Variants in PCDHA3 observed in about 807,000 individuals in gnomAD.
The protein encoded by PCDHA3 is protocadherin alpha 3.
A neutral mutation model predicts 62.2 loss-of-function variants in PCDHA3; 41 were observed. That is an observed-to-expected ratio of 0.66 (90% CI 0.51 to 0.86). The LOEUF (loss-of-function observed/expected upper bound fraction) is 0.86. Ranked by LOEUF, PCDHA3 falls within the 40% of genes least tolerant of loss-of-function variation. PCDHA3 has a pLI of 0.00. For missense variants in PCDHA3, 1,304 were observed against 1,241.2 expected (o/e 1.05, Z -0.76); for synonymous variants, 640 against 555.4 (o/e 1.15, Z -2.14).
intron 1 of PCDHA3, chr5:140,967,594 G>A: frequency 6.2e-7 from 1 of 1,614,142 alleles, no homozygotes; most frequent in Non-Finnish European, 8.5e-7. Flanking sequence ...GCACATTGGT[G>A]GTGAAGCTGA....
At chr5:140,906,917 C>T (rs2073040753) in intron 1 of PCDHA3, among the ~76,000 whole-genome samples, 1 of 152,114 alleles carries the variant, frequency 6.6e-6, no homozygotes, top group Non-Finnish European at 1.5e-5. Context: ...AGGAGGAGCC[C>T]AAAAAGTGTC....
rs371246236 is a variant in PCDHA3 at position 140,876,855 on chromosome 5, A to G, written c.2394+73264A>G. ...CTGCGTTCGCGCAGCCCGAGTACACAGTGTTCGTGAAGGAGAACAACCCGC... is the reference window on the plus strand; with the variant it reads ...CTGCGTTCGCGCAGCCCGAGTACACGGTGTTCGTGAAGGAGAACAACCCGC... On this transcript the variant is annotated intron_variant, in intron 1 of 3. Coordinates refer to ENST00000522353, the MANE Select transcript of PCDHA3 (RefSeq NM_018906.3). The G allele has an allele frequency of 2.0e-4, 322 of 1,614,052 alleles. 4 individuals are homozygous for G. The East Asian group carries it at 3.4e-3, about 17-fold the overall frequency.
intron 1 of PCDHA3, among the ~76,000 whole-genome samples, chr5:140,905,229 G>A (rs2071688415): frequency 6.6e-6 from 1 of 152,156 alleles, no homozygotes; most frequent in African/African-American, 2.4e-5. Flanking sequence ...TGAGAGATGA[G>A]GATCCAGTTT....
intron 1 of PCDHA3, chr5:140,807,884 C>G (rs782074587): frequency 6.2e-7 from 1 of 1,614,068 alleles, no homozygotes; most frequent in Non-Finnish European, 8.5e-7. Context: ...CATCACAGTA[C>G]TGGATGCCAA....
At chr5:140,941,852 T>G (rs1254913265) in intron 1 of PCDHA3, among the ~76,000 whole-genome samples, 2 of 152,236 alleles carry the variant, frequency 1.3e-5, no homozygotes, top group Non-Finnish European at 2.9e-5. Context: ...TTACCTGATA[T>G]TCCCTATCAT....
In PCDHA3 at chr5:140,855,922, T is replaced by C. The variant is rs2043674213; in HGVS notation, c.2394+52331T>C. ...AGCCAGTTTCTCAAGGACTAGGAAG[T>C]AGCGTCATTCTGAGATCTCAGCCAT... On this transcript the variant is annotated intron_variant, in intron 1 of 3. Transcript: ENST00000522353. The C allele has an allele frequency of 3.3e-6, 4 of 1,227,726 alleles. No homozygotes were observed. In the Admixed American group the frequency reaches 1.0e-4, roughly 31 times the overall value. The allele number at this position is 1,227,726 out of a possible 1,614,324, so 76.1% of individuals were successfully genotyped here.
At chr5:140,807,749 C>G (rs782346248) in intron 1 of PCDHA3, 1 of 1,614,138 alleles carries the variant, frequency 6.2e-7, no homozygotes, top group South Asian at 1.1e-5. Context: ...TGATGACGAG[C>G]TGGTAAAAGG....
chr5:140,938,698 T>C (rs1430283682), intron 1 of PCDHA3, among the ~76,000 whole-genome samples: 1 of 152,194 alleles, frequency 6.6e-6, no homozygotes, highest in East Asian at 1.9e-4. Context: ...TTTTTAAATA[T>C]ATGTTTATGA....
intron 3 of PCDHA3, among the ~76,000 whole-genome samples, chr5:141,006,384 T>G (rs181638891): frequency 6.6e-6 from 1 of 152,126 alleles, no homozygotes; most frequent in African/African-American, 2.4e-5. Flanking sequence ...GCTAAGTTTT[T>G]TCTATTTTTT....
At chr5:140,824,494 T>C (rs1768139235) in intron 1 of PCDHA3, 2 of 339,832 alleles carry the variant, frequency 5.9e-6, no homozygotes, top group South Asian at 3.6e-5. Flanking sequence ...AGACCCTTTG[T>C]TGCTTAGTCT....
At chr5:140,959,688 T>G (rs1000595466) in intron 1 of PCDHA3, among the ~76,000 whole-genome samples, 20 of 152,318 alleles carry the variant, frequency 1.3e-4, no homozygotes, top group African/African-American at 4.8e-4. Flanking sequence ...ATAATTTCAA[T>G]AAAATGAGCT....
chr5:140,803,280 G>A lies in PCDHA3; in HGVS notation c.2083G>A (p.Asp695Asn). 2 of 1,614,062 alleles carry A rather than the reference G, an allele frequency of 1.2e-6. No homozygotes were observed. The highest frequency in any genetic ancestry group is 2.2e-5 in the South Asian group (2 of 91,090). ...GATGPEAALV[D>N]VNVYLIVAIC... is the part of the protein sequence containing the mutation. ...CACGGGCCCGGAAGCTGCACTGGTG[G>A]ATGTCAACGTGTACTTGATCGTCGC... Residue 695 changes from aspartate to asparagine, a missense_variant, in exon 1 of 4, where the codon GAT (aspartate) becomes AAT (asparagine). Transcript: ENST00000522353.
At chr5:140,858,624 G>T (rs112932902) in intron 1 of PCDHA3, 7 of 1,115,778 alleles carry the variant, frequency 6.3e-6, no homozygotes, top group African/African-American at 4.7e-5. Context: ...CCTACCCAGT[G>T]TGTCAGCCTT....
At chr5:140,878,400 A>C (rs1190004888) in intron 1 of PCDHA3, among the ~76,000 whole-genome samples, 2 of 152,218 alleles carry the variant, frequency 1.3e-5, no homozygotes, top group Non-Finnish European at 2.9e-5. Flanking sequence ...TGCTCACAAA[A>C]TATCTTCTTT....
intron 1 of PCDHA3, among the ~76,000 whole-genome samples, chr5:140,911,798 T>C (rs1387986120): frequency 6.6e-6 from 1 of 152,178 alleles, no homozygotes; most frequent in Non-Finnish European, 1.5e-5. Context: ...GGTCTAATCA[T>C]ATTAAGCAGC....
chr5:140,868,853 G>C, intron 1 of PCDHA3: 1 of 466,576 alleles, frequency 2.1e-6, no homozygotes, highest in Non-Finnish European at 3.6e-6. Flanking sequence ...AAATTCTGTG[G>C]TGGTAAATGC....
chr5:140,870,229 C>G, intron 1 of PCDHA3: 3 of 1,614,164 alleles, frequency 1.9e-6, no homozygotes, highest in Non-Finnish European at 2.5e-6. Flanking sequence ...CGTGTCTGAC[C>G]GTGACTCAGG....
chr5:140,829,719 C>G (rs2150173312), intron 1 of PCDHA3: 42 of 1,613,424 alleles, frequency 2.6e-5, no homozygotes, highest in Non-Finnish European at 3.3e-5. Context: ...GCGGGCGTGC[C>G]GCCTCTGGGC....
chr5:140,865,854 C>T (rs1029695094), intron 1 of PCDHA3: 1 of 152,144 alleles, frequency 6.6e-6, no homozygotes, highest in Non-Finnish European at 1.5e-5. Context: ...TTTCTCTGCT[C>T]AAACATGGTC....
Sources: allele counts gnomAD v4.1 joint callset (sites outside exome capture counted in the v4.1 genomes callset), GRCh38; gene constraint gnomAD v4.1.1; transcripts MANE v1.5; gene names NCBI Gene and HGNC (gene_info 2026-07-23, HGNC 2026-07-21).